HDAC4: variants seen among roughly 807,000 people sequenced by gnomAD.
HDAC4 encodes the protein histone deacetylase A.
In HDAC4, 16 loss-of-function variants were observed where a neutral mutation model predicts 135.1. The ratio of observed to expected loss-of-function variants is 0.12; its 90% confidence interval spans 0.08 to 0.18. The LOEUF is 0.18. Ranked by LOEUF, HDAC4 falls within the 10% of genes least tolerant of loss-of-function variation. The pLI, the probability that HDAC4 is intolerant of heterozygous loss-of-function variation, is 1.00. For missense variants in HDAC4, 1,143 were observed against 1,511.8 expected (o/e 0.76, Z 4.05); for synonymous variants, 685 against 653.4 (o/e 1.05, Z -0.74).
In HDAC4 at chr2:239,331,906, G is replaced by A. The variant is rs562468399; in HGVS notation, c.22+20772C>T. Among the ~76,000 whole-genome samples, 1 of 152,278 alleles carries A rather than the reference G, an allele frequency of 6.6e-6. No individual in the cohort carries two copies. Among genetic ancestry groups the A allele is most frequent in the South Asian group, 2.1e-4 (1 of 4,824 alleles). ...CAGACTGAGCGTGGGGGTGAGGAGAGCCCCGTGCCAGGAGTGAGGGCAACA... is the reference window on the plus strand; with the variant it reads ...CAGACTGAGCGTGGGGGTGAGGAGAACCCCGTGCCAGGAGTGAGGGCAACA... On this transcript the variant is annotated intron_variant, in intron 2 of 26. Coordinates refer to ENST00000543185, the MANE Select transcript of HDAC4 (RefSeq NM_001378414.1). This position sits in a 1 kb window ranked among gnomAD's most constrained non-coding sequence, Gnocchi z 4.5.
chr2:239,068,622 A>C lies in HDAC4; in HGVS notation c.2751-15T>G. ...TGACCACCGTTCTGCAAAGGACAGGAGAAGGCGTTACTGGGTCAGCTGAAA... is the reference window on the plus strand; with the variant it reads ...TGACCACCGTTCTGCAAAGGACAGGCGAAGGCGTTACTGGGTCAGCTGAAA... On this transcript the variant is annotated splice_polypyrimidine_tract_variant and intron_variant, in intron 22 of 26. Transcript: ENST00000543185. The surrounding 1 kb of genome is among the most constrained non-coding windows in gnomAD (Gnocchi z 4.4). The C allele has an allele frequency of 1.9e-6, 3 of 1,604,604 alleles. No individual in the cohort carries two copies. Among genetic ancestry groups the C allele is most frequent in the Non-Finnish European group, 2.6e-6 (3 of 1,171,498 alleles).
chr2:239,271,229 TCA>T (rs938483599), intron 2 of HDAC4, among the ~76,000 whole-genome samples: 13 of 152,184 alleles, frequency 8.5e-5, no homozygotes, highest in African/African-American at 2.9e-4. Flanking sequence ...TCCTCCCATC[TCA>T]CACTCCTGAG....
chr2:239,177,729 G>A (rs762972283), intron 4 of HDAC4, among the ~76,000 whole-genome samples: 17 of 152,300 alleles, frequency 1.1e-4, no homozygotes, highest in Non-Finnish European at 8.8e-5. Flanking sequence ...TTATATAAAT[G>A]GTTGTTATCC....
At chr2:239,323,023 T>C (rs946729382) in intron 2 of HDAC4, among the ~76,000 whole-genome samples, 8 of 152,174 alleles carry the variant, frequency 5.3e-5, no homozygotes, top group Admixed American at 3.3e-4. Flanking sequence ...CATCCCCTTG[T>C]CCCCACAGTT....
At chr2:239,154,320 G>A (rs1474943843) in intron 7 of HDAC4, among the ~76,000 whole-genome samples, 1 of 152,168 alleles carries the variant, frequency 6.6e-6, no homozygotes, top group Non-Finnish European at 1.5e-5. Context: ...CCCAGGACAA[G>A]AGGAGACTCT....
chr2:239,363,884 G>A (rs1373897029), intron 1 of HDAC4, among the ~76,000 whole-genome samples: 1 of 152,154 alleles, frequency 6.6e-6, no homozygotes, highest in Admixed American at 6.5e-5. Context: ...GAAAAAGGCA[G>A]ACAACCTGAA....
Position 239,378,254 on chromosome 2 carries a change from G to A in HDAC4, c.-220+22724C>T, listed in dbSNP as rs539520033. On this transcript the variant is annotated intron_variant, in intron 1 of 26. Transcript: ENST00000543185. ...GACTTCCTTCCTTCCTGGGGGAGAC[G>A]AGCACCCAGGCACATAAAGTCCAGC... Among the ~76,000 whole-genome samples the A allele has an allele frequency of 1.8e-4, 28 of 152,232 alleles. No homozygotes were observed. The South Asian group carries it at 5.0e-3, about 27-fold the overall frequency.
Position 239,263,310 on chromosome 2 carries a change from A to AGGACCCCCG in HDAC4, c.23-26647_23-26646insCGGGGGTCC, listed in dbSNP as rs1559300084. On this transcript the variant is annotated intron_variant, in intron 2 of 26. Transcript: ENST00000543185. Reference sequence around the variant, plus strand: ...CTACACATCAGCTGTCTCGAAGCCCACCCTGAGGACCCCCGCCCATCCCAG... The same window carrying AGGACCCCCG: ...CTACACATCAGCTGTCTCGAAGCCCAGGACCCCCGCCCTGAGGACCCCCGCCCATCCCAG... 1.3e-4 allele frequency among the ~76,000 whole-genome samples: 11 copies of AGGACCCCCG among 86,084 alleles called. No individual in the cohort carries two copies. In the East Asian group the frequency reaches 2.2e-3, roughly 17 times the overall value. The allele number at this position is 86,084 out of a possible 152,430, so 56.5% of individuals were successfully genotyped here. A position where few individuals can be genotyped will look rare whatever the true frequency, so the allele number is the denominator to read the frequency against.
At chr2:239,135,103 G>T (rs534354350) in intron 9 of HDAC4, among the ~76,000 whole-genome samples, 1 of 152,312 alleles carries the variant, frequency 6.6e-6, no homozygotes, top group East Asian at 1.9e-4. Context: ...ATAACTATAA[G>T]GGTATGATTG....
At chr2:239,292,004 C>T (rs978060740) in intron 2 of HDAC4, among the ~76,000 whole-genome samples, 6 of 152,320 alleles carry the variant, frequency 3.9e-5, no homozygotes, top group Middle Eastern at 3.4e-3. Context: ...AGGACAGCCA[C>T]GCCAGGGGCT....
At chr2:239,159,173 C>T (rs905576887) in intron 6 of HDAC4, among the ~76,000 whole-genome samples, 2 of 150,732 alleles carry the variant, frequency 1.3e-5, no homozygotes, top group African/African-American at 4.9e-5. Context: ...CACTACTACT[C>T]GCCCCCAATT....
chr2:239,119,322 T>C (rs1322253195), intron 12 of HDAC4, among the ~76,000 whole-genome samples: 1 of 151,970 alleles, frequency 6.6e-6, no homozygotes, highest in Non-Finnish European at 1.5e-5. Context: ...CAGGAGGGAT[T>C]CGGGAGGAGG....
chr2:239,088,619 C>T (rs1188565321), intron 18 of HDAC4, among the ~76,000 whole-genome samples: 1 of 152,212 alleles, frequency 6.6e-6, no homozygotes, highest in Non-Finnish European at 1.5e-5. Flanking sequence ...GGAACAGCAC[C>T]AGGGCGTGTG....
intron 2 of HDAC4, among the ~76,000 whole-genome samples, chr2:239,269,893 C>A (rs1272268728): frequency 6.6e-6 from 1 of 152,210 alleles, no homozygotes; most frequent in Non-Finnish European, 1.5e-5. Flanking sequence ...AAGGCTGGCT[C>A]GGATCTCATC....
chr2:239,291,645 C>T (rs2051505847), intron 2 of HDAC4, among the ~76,000 whole-genome samples: 1 of 152,258 alleles, frequency 6.6e-6, no homozygotes, highest in Admixed American at 6.5e-5. Context: ...AGACAACCTA[C>T]AATTAACACA....
intron 22 of HDAC4, among the ~76,000 whole-genome samples, chr2:239,069,960 C>T (rs1444340989): frequency 6.6e-6 from 1 of 152,216 alleles, no homozygotes; most frequent in Non-Finnish European, 1.5e-5. Flanking sequence ...ACTAACACCC[C>T]TCCTTGGCCC....
chr2:239,301,612 C>A (rs529717806), intron 2 of HDAC4, among the ~76,000 whole-genome samples: 1 of 152,150 alleles, frequency 6.6e-6, no homozygotes, highest in African/African-American at 2.4e-5. Context: ...TCCTGAACAG[C>A]TGGGACTACA....
intron 4 of HDAC4, among the ~76,000 whole-genome samples, chr2:239,184,069 T>TAAAA (rs58952360): frequency 3.1e-4 from 22 of 71,400 alleles, no homozygotes; most frequent in East Asian, 2.0e-3. Context: ...CTTGCTAGTG[T>TAAAA]AAAAAAAAAA....
intron 2 of HDAC4, among the ~76,000 whole-genome samples, chr2:239,310,709 GACC>G (rs1559354209): frequency 6.6e-6 from 1 of 152,190 alleles, no homozygotes; most frequent in East Asian, 1.9e-4. Context: ...AAAGGGCCAG[GACC>G]CTGATGCCAA....
Sources: gnomAD v4.1 joint callset for allele counts (sites outside exome capture counted in the v4.1 genomes callset) on GRCh38, gnomAD v4.1.1 for gene constraint, Gnocchi (gnomAD v3.1) non-coding constraint, MANE v1.5 for transcripts, NCBI Gene and HGNC (gene_info 2026-07-23, HGNC 2026-07-21) for gene names.